Variants in SAMD5 observed in about 807,000 individuals in gnomAD.
SAMD5 encodes sterile alpha motif domain containing 5, also known as sterile alpha motif domain-containing protein 5.
A neutral mutation model predicts 11.3 loss-of-function variants in SAMD5; 13 were observed. The ratio of observed to expected loss-of-function variants is 1.15; its 90% CI spans 0.75 to 1.83. The LOEUF (loss-of-function observed/expected upper bound fraction) is 1.83, where lower values mean the gene tolerates loss of function less well. Among genes scored for constraint, SAMD5 ranks in the 40% most tolerant of loss-of-function variants. The probability of loss-of-function intolerance (pLI) is 0.00; values close to 1 mark genes in which losing one functional copy is unlikely to be tolerated. For synonymous variants in SAMD5, 129 were observed against 111.3 expected (o/e 1.16, Z -1.00); for missense variants, 255 against 239.1 (o/e 1.07, Z -0.44).
At chr6:147,775,196 A>G in the SAMD5 span, among the ~76,000 whole-genome samples, 1 of 152,026 alleles carries the variant, frequency 6.6e-6, no homozygotes, top group African/African-American at 2.4e-5. Context: ...TGGTGTGTAG[A>G]TCACAGACTG....
the SAMD5 span, among the ~76,000 whole-genome samples, chr6:147,782,083 C>T: frequency 1.3e-5 from 2 of 151,338 alleles, no homozygotes; most frequent in Non-Finnish European, 2.9e-5. Flanking sequence ...GCAATACATT[C>T]CAGTTTAACC....
chr6:147,626,286 C>CA (rs1398657083), intron 1 of SAMD5, among the ~76,000 whole-genome samples: 1 of 151,934 alleles, frequency 6.6e-6, no homozygotes, highest in East Asian at 1.9e-4. Flanking sequence ...TTTCTTAAGA[C>CA]ACTGTAATTG....
At chr6:147,939,966 T>C in the SAMD5 span, among the ~76,000 whole-genome samples, 5 of 152,146 alleles carry the variant, frequency 3.3e-5, no homozygotes, top group African/African-American at 9.7e-5. Context: ...CATGGAAGGA[T>C]TTCCTAGCGA....
chr6:147,742,905 A>G, the SAMD5 span, among the ~76,000 whole-genome samples: 1 of 152,246 alleles, frequency 6.6e-6, no homozygotes, highest in South Asian at 2.1e-4. Flanking sequence ...CATAGAGGCT[A>G]TCATTGTGTG....
chr6:147,881,137 G>A, the SAMD5 span, among the ~76,000 whole-genome samples: 102,046 of 152,024 alleles, frequency 0.67, 34,986 homozygotes, highest in African/African-American at 0.82. Context: ...CAGTGGCCCT[G>A]ACAAGCAACA....
chr6:147,578,503 G>C (rs566712198), intron 1 of SAMD5, among the ~76,000 whole-genome samples: 3 of 152,242 alleles, frequency 2.0e-5, no homozygotes, highest in South Asian at 2.1e-4. Context: ...ATGAGAATAT[G>C]TCTTTATAAT....
chr6:147,577,301 A>G (rs573241957), intron 1 of SAMD5, among the ~76,000 whole-genome samples: 5 of 152,344 alleles, frequency 3.3e-5, no homozygotes, highest in Non-Finnish European at 7.3e-5. Flanking sequence ...TTCCTTTTAG[A>G]AAACGTTTGT....
At chr6:147,796,388 A>G in the SAMD5 span, among the ~76,000 whole-genome samples, 4 of 151,656 alleles carry the variant, frequency 2.6e-5, no homozygotes, top group African/African-American at 7.3e-5. Context: ...GATATGTGGC[A>G]TTATTTCTGA....
intron 1 of SAMD5, among the ~76,000 whole-genome samples, chr6:147,715,934 C>T (rs1034200461): frequency 5.9e-5 from 9 of 152,114 alleles, no homozygotes; most frequent in African/African-American, 1.7e-4. Flanking sequence ...GGAAGAAGTA[C>T]GTGCTGATTG....
the SAMD5 span, among the ~76,000 whole-genome samples, chr6:147,923,662 A>G: frequency 6.6e-6 from 1 of 152,214 alleles, no homozygotes; most frequent in South Asian, 2.1e-4. Context: ...ACTAGTCAAG[A>G]TGCTTTCACA....
chr6:147,816,980 A>G, the SAMD5 span, among the ~76,000 whole-genome samples: 1 of 152,300 alleles, frequency 6.6e-6, no homozygotes, highest in South Asian at 2.1e-4. Context: ...TACAAGTATG[A>G]TAAAAGGTAT....
intron 1 of SAMD5, among the ~76,000 whole-genome samples, chr6:147,729,427 A>G (rs1262132778): frequency 6.6e-6 from 1 of 152,214 alleles, no homozygotes; most frequent in African/African-American, 2.4e-5. Flanking sequence ...TTTATTTCCA[A>G]CACATTCATT....
At chr6:147,690,417 T>C (rs1791083573) in intron 1 of SAMD5, among the ~76,000 whole-genome samples, 1 of 152,166 alleles carries the variant, frequency 6.6e-6, no homozygotes, top group South Asian at 2.1e-4. Flanking sequence ...TCCAACACTT[T>C]GGGAGGCTGA....
intron 1 of SAMD5, among the ~76,000 whole-genome samples, chr6:147,563,020 A>G (rs1222443159): frequency 3.3e-5 from 5 of 152,202 alleles, no homozygotes; most frequent in Non-Finnish European, 7.3e-5. Flanking sequence ...ATTGGGTTGC[A>G]TATGGCTTTA....
At chr6:147,631,311 C>G (rs1157148450) in intron 1 of SAMD5, among the ~76,000 whole-genome samples, 1 of 152,116 alleles carries the variant, frequency 6.6e-6, no homozygotes, top group Non-Finnish European at 1.5e-5. Context: ...TGGGAGGACC[C>G]AGGACATCCA....
At chr6:147,892,673 C>T in the SAMD5 span, among the ~76,000 whole-genome samples, 2 of 152,178 alleles carry the variant, frequency 1.3e-5, no homozygotes, top group East Asian at 1.9e-4. Context: ...AGGAAATATT[C>T]GGAGAGCTTG....
the SAMD5 span, among the ~76,000 whole-genome samples, chr6:147,763,825 G>A: frequency 2.0e-5 from 3 of 152,002 alleles, no homozygotes; most frequent in African/African-American, 4.8e-5. Flanking sequence ...CTCGTGGTCC[G>A]CCTGCCTCGG....
the SAMD5 span, among the ~76,000 whole-genome samples, chr6:147,796,403 T>G: frequency 2.0e-5 from 3 of 152,162 alleles, no homozygotes; most frequent in Non-Finnish European, 4.4e-5. Context: ...TTCTGAGGGC[T>G]CTGTTCCGTT....
chr6:147,638,181 G>A (rs1423065419), intron 1 of SAMD5, among the ~76,000 whole-genome samples: 1 of 151,924 alleles, frequency 6.6e-6, no homozygotes, highest in Non-Finnish European at 1.5e-5. Flanking sequence ...AGTCATTTTC[G>A]ATGCTATTTT....
Sources: allele counts gnomAD v4.1 joint callset (sites outside exome capture counted in the v4.1 genomes callset), GRCh38; gene constraint gnomAD v4.1.1; transcripts MANE v1.5; gene names NCBI Gene and HGNC (gene_info 2026-07-23, HGNC 2026-07-21).